Variants in MAGI2 observed in about 807,000 individuals in gnomAD.
MAGI2 encodes membrane-associated guanylate kinase, WW and PDZ domain-containing protein 2.
A neutral mutation model predicts 133.3 loss-of-function variants in MAGI2; 35 were observed. That is an observed-to-expected ratio of 0.26 (90% CI 0.20 to 0.35). MAGI2 has a LOEUF of 0.35. MAGI2 is among the 10% of genes least tolerant of loss of function. The probability of loss-of-function intolerance (pLI) is 1.00; values close to 1 mark genes in which losing one functional copy is unlikely to be tolerated. For synonymous variants in MAGI2, 729 were observed against 710.6 expected (o/e 1.03, Z -0.41); for missense variants, 1,636 against 1,863.4 (o/e 0.88, Z 2.25).
intron 2 of MAGI2, among the ~76,000 whole-genome samples, chr7:78,814,753 C>T (rs1267753211): frequency 6.6e-6 from 1 of 152,084 alleles, no homozygotes; most frequent in Non-Finnish European, 1.5e-5. Context: ...GTCAGGGTCT[C>T]ACTCTGTCTC....
chr7:79,433,934 C>A lies in MAGI2; in HGVS notation c.301+19086G>T, dbSNP rs549783994. The stretch of plus-strand genomic sequence containing the variant: ...TTTCCTTGATGGAATAAACTTATTT[C>A]TGACTACTCAGACAATCTAACGGTG... On this transcript the variant is annotated intron_variant, in intron 1 of 21. Transcript: ENST00000354212. 1.4e-4 allele frequency among the ~76,000 whole-genome samples: 21 copies of A among 152,150 alleles called. 1 individual carries two copies. The highest frequency in any genetic ancestry group is 2.9e-4 in the Non-Finnish European group (20 of 68,022).
At chr7:79,413,734 CCTT>C (rs1846299211) in intron 1 of MAGI2, 1 of 152,066 alleles carries the variant, frequency 6.6e-6, no homozygotes, top group Non-Finnish European at 1.5e-5. Context: ...CTTTCTTATT[CCTT>C]TTTATATAAA....
At chr7:79,302,809 A>G (rs191988406) in intron 1 of MAGI2, among the ~76,000 whole-genome samples, 210 of 152,308 alleles carry the variant, frequency 1.4e-3, no homozygotes, top group African/African-American at 4.8e-3. Context: ...AAACATGGCT[A>G]CACTACTTTT....
chr7:78,974,178 C>G (rs1189916706), intron 2 of MAGI2, among the ~76,000 whole-genome samples: 1 of 151,172 alleles, frequency 6.6e-6, no homozygotes. Flanking sequence ...GAGAATGTAC[C>G]TTGATGTATT....
At chr7:78,832,392 C>T (rs552836539) in intron 2 of MAGI2, among the ~76,000 whole-genome samples, 3 of 152,118 alleles carry the variant, frequency 2.0e-5, no homozygotes, top group African/African-American at 4.8e-5. Flanking sequence ...ATCCAATCCT[C>T]CTTTATAAGG....
At chr7:79,256,266 T>G (rs1264389025) in intron 1 of MAGI2, among the ~76,000 whole-genome samples, 1 of 152,164 alleles carries the variant, frequency 6.6e-6, no homozygotes, top group Non-Finnish European at 1.5e-5. Flanking sequence ...TATGTGAAAG[T>G]GTTACTACAA....
At chr7:78,681,996 T>G (rs1815722553) in intron 2 of MAGI2, among the ~76,000 whole-genome samples, 1 of 151,790 alleles carries the variant, frequency 6.6e-6, no homozygotes, top group Non-Finnish European at 1.5e-5. Flanking sequence ...AGTAAATTTT[T>G]TTTTTATCTC....
At chr7:79,068,839 G>A (rs762178498) in intron 1 of MAGI2, among the ~76,000 whole-genome samples, 9 of 151,920 alleles carry the variant, frequency 5.9e-5, no homozygotes, top group Non-Finnish European at 1.0e-4. Context: ...CTTTCATTTC[G>A]TTATTTACCC....
intron 1 of MAGI2, among the ~76,000 whole-genome samples, chr7:79,131,427 C>T (rs979822020): frequency 2.6e-5 from 4 of 152,226 alleles, no homozygotes; most frequent in Non-Finnish European, 2.9e-5. Flanking sequence ...ACCCAGAGGA[C>T]GTGATAAATA....
intron 1 of MAGI2, among the ~76,000 whole-genome samples, chr7:79,123,436 T>C (rs1030695292): frequency 2.0e-5 from 3 of 152,126 alleles, no homozygotes; most frequent in South Asian, 2.1e-4. Context: ...GCCTCAGTTT[T>C]CTCTTTTGTA....
At chr7:78,169,957 C>T (rs1825963254) in intron 14 of MAGI2, among the ~76,000 whole-genome samples, 1 of 152,206 alleles carries the variant, frequency 6.6e-6, no homozygotes, top group Non-Finnish European at 1.5e-5. Context: ...CTATGGAGCA[C>T]TTCAAAGATT....
At chr7:78,553,352 A>G (rs186226989) in intron 3 of MAGI2, among the ~76,000 whole-genome samples, 38 of 152,332 alleles carry the variant, frequency 2.5e-4, no homozygotes, top group African/African-American at 8.2e-4. Context: ...TGAAATAAAT[A>G]TGTTTATGGC....
At chr7:78,096,690 T>C (rs541225375) in intron 20 of MAGI2, among the ~76,000 whole-genome samples, 2 of 152,330 alleles carry the variant, frequency 1.3e-5, no homozygotes, top group Admixed American at 1.3e-4. Context: ...ACATACAGTC[T>C]ACAGCTTCTT....
At chr7:78,824,046 A>G (rs562156432) in intron 2 of MAGI2, among the ~76,000 whole-genome samples, 1 of 152,344 alleles carries the variant, frequency 6.6e-6, no homozygotes, top group East Asian at 1.9e-4. Flanking sequence ...GAATAAATTT[A>G]AAAATGTAAT....
At chr7:78,421,462 A>G (rs950286712) in intron 6 of MAGI2, among the ~76,000 whole-genome samples, 4 of 152,228 alleles carry the variant, frequency 2.6e-5, no homozygotes, top group Non-Finnish European at 5.9e-5. Flanking sequence ...TGAACAAAAT[A>G]TAACTGAGTT....
rs114680253 is a variant in MAGI2, at chr7:78,761,287, T to G, written c.419-134048A>C. Among the ~76,000 whole-genome samples the G allele has an allele frequency of 5.0e-3, 757 of 152,298 alleles. 4 individuals carry two copies. Among genetic ancestry groups the G allele is most frequent in the African/African-American group, 0.017 (719 of 41,578 alleles). On this transcript the variant is annotated intron_variant, in intron 2 of 21. Coordinates refer to ENST00000354212, the MANE Select transcript of MAGI2 (RefSeq NM_012301.4). Reference sequence around the variant, plus strand: ...GACTTGAAGAGAGAAATGATTCCATTCCATAGCTTGACAAAAGAAATAACC... The same window carrying G: ...GACTTGAAGAGAGAAATGATTCCATGCCATAGCTTGACAAAAGAAATAACC...
intron 2 of MAGI2, among the ~76,000 whole-genome samples, chr7:78,874,180 T>C (rs1795243224): frequency 6.6e-6 from 1 of 152,034 alleles, no homozygotes; most frequent in Non-Finnish European, 1.5e-5. Context: ...AATTACAAAA[T>C]TTTATGGAGA....
chr7:79,292,622 G>A (rs1585453760), intron 1 of MAGI2, among the ~76,000 whole-genome samples: 1 of 150,728 alleles, frequency 6.6e-6, no homozygotes, highest in South Asian at 2.1e-4. Context: ...GACAGAGTGA[G>A]ACCCTGCCAC....
At chr7:79,249,079 T>G (rs1833032545) in intron 1 of MAGI2, among the ~76,000 whole-genome samples, 1 of 151,920 alleles carries the variant, frequency 6.6e-6, no homozygotes, top group Admixed American at 6.6e-5. Flanking sequence ...GGACAGGCTG[T>G]TCTCAAACTC....
Sources: gnomAD v4.1 joint callset for allele counts (sites outside exome capture counted in the v4.1 genomes callset) on GRCh38, gnomAD v4.1.1 for gene constraint, MANE v1.5 for transcripts, NCBI Gene and HGNC (gene_info 2026-07-23, HGNC 2026-07-21) for gene names.